Variants in GRM7 observed in about 807,000 individuals in gnomAD.
GRM7 encodes the protein metabotropic glutamate receptor 7.
A neutral mutation model predicts 84.5 loss-of-function variants in GRM7; 35 were observed. That is an observed-to-expected ratio of 0.41 (90% confidence interval 0.32 to 0.55). GRM7 has a LOEUF of 0.55. GRM7 is among the 20% of genes least tolerant of loss of function. The pLI is 0.19. For synonymous variants in GRM7, 487 were observed against 455.1 expected (o/e 1.07, Z -0.89); for missense variants, 1,003 against 1,194.6 (o/e 0.84, Z 2.36).
chr3:7,518,253 G>T (rs1410999909), intron 7 of GRM7, among the ~76,000 whole-genome samples: 1 of 152,150 alleles, frequency 6.6e-6, no homozygotes, highest in Non-Finnish European at 1.5e-5. Context: ...CATTTCCAAG[G>T]CGTCAGGGAA....
chr3:7,307,354 T>C (rs1700229058), intron 4 of GRM7, among the ~76,000 whole-genome samples: 1 of 94,360 alleles, frequency 1.1e-5, no homozygotes, highest in African/African-American at 3.2e-5. Context: ...GAAGACGCTG[T>C]GTAAAAGGAG....
chr3:7,713,114 A>ATT lies in GRM7; in HGVS notation c.2699-27240_2699-27239dup, dbSNP rs1165234212. Among the ~76,000 whole-genome samples, 172 of 129,858 alleles carry ATT rather than the reference A, an allele frequency of 1.3e-3. 4 individuals carry two copies. Among genetic ancestry groups the ATT allele is most frequent in the African/African-American group, 3.2e-3 (102 of 32,100 alleles). 85.2% of individuals were successfully genotyped at this position (129,858 alleles called of 152,430 possible). Reference sequence around the variant, plus strand: ...ATATTCACAGATAGAGAGGATTCGAATTTTGTTTTGTTTTTTTTTTTTTTT... The same window carrying ATT: ...ATATTCACAGATAGAGAGGATTCGAATTTTTTGTTTTGTTTTTTTTTTTTTTT... On this transcript the variant is annotated intron_variant, in intron 9 of 9. Coordinates refer to ENST00000357716, the MANE Select transcript of GRM7 (RefSeq NM_000844.4).
At chr3:7,469,287 A>G (rs1575384166) in intron 7 of GRM7, among the ~76,000 whole-genome samples, 1 of 152,238 alleles carries the variant, frequency 6.6e-6, no homozygotes, top group Admixed American at 6.5e-5. Context: ...AGGTTCCTCA[A>G]GGGTTCCCTA....
chr3:7,601,387 A>G (rs556645086), intron 8 of GRM7, among the ~76,000 whole-genome samples: 42 of 152,192 alleles, frequency 2.8e-4, no homozygotes, highest in African/African-American at 9.1e-4. Context: ...AGTGAGAGAG[A>G]CAGGGGTTCT....
At position 7,104,712 on chromosome 3, in the gene GRM7, G is replaced by A. The variant is rs59603152; in HGVS notation, c.520-41740G>A. Among the ~76,000 whole-genome samples, 15 of 151,596 alleles carry A rather than the reference G, an allele frequency of 9.9e-5. No individual in the cohort carries two copies. The East Asian group carries it at 1.2e-3, about 12-fold the overall frequency. ...ATCATTTTTATCAGTCATCAAGCCC[G>A]GTGAAAACATTAATTAATTCTTCTG... On this transcript the variant is annotated intron_variant, in intron 1 of 9. Transcript: ENST00000357716.
intron 1 of GRM7, among the ~76,000 whole-genome samples, chr3:7,089,929 A>G (rs748441086): frequency 6.6e-6 from 1 of 151,726 alleles, no homozygotes; most frequent in Non-Finnish European, 1.5e-5. Context: ...TGCAACCTCT[A>G]CTCCCCGGGT....
At chr3:7,089,661 T>C (rs780831301) in intron 1 of GRM7, among the ~76,000 whole-genome samples, 4 of 152,152 alleles carry the variant, frequency 2.6e-5, no homozygotes, top group Non-Finnish European at 5.9e-5. Flanking sequence ...GTCTTAAAAA[T>C]GTTGTTCAAG....
At chr3:6,976,995 A>G (rs1308426506) in intron 1 of GRM7, among the ~76,000 whole-genome samples, 2 of 152,090 alleles carry the variant, frequency 1.3e-5, no homozygotes, top group African/African-American at 4.8e-5. Flanking sequence ...TTGGGTTATG[A>G]TATGAAGTGA....
chr3:7,720,595 G>A (rs997934942), intron 9 of GRM7, among the ~76,000 whole-genome samples: 1 of 152,194 alleles, frequency 6.6e-6, no homozygotes, highest in Non-Finnish European at 1.5e-5. Context: ...CCCTGAATGA[G>A]TGCTCCCTGA....
chr3:7,006,575 T>A (rs936557952), intron 1 of GRM7, among the ~76,000 whole-genome samples: 1 of 152,218 alleles, frequency 6.6e-6, no homozygotes, highest in Admixed American at 6.5e-5. Flanking sequence ...TCTTTGTGGC[T>A]AACAAATCCT....
At chr3:7,566,432 A>G (rs1388902972) in intron 7 of GRM7, among the ~76,000 whole-genome samples, 1 of 152,204 alleles carries the variant, frequency 6.6e-6, no homozygotes, top group Non-Finnish European at 1.5e-5. Flanking sequence ...TTATGTTTAC[A>G]TTATAATATT....
At chr3:7,149,226 G>C (rs1387598416) in intron 2 of GRM7, among the ~76,000 whole-genome samples, 2 of 152,112 alleles carry the variant, frequency 1.3e-5, no homozygotes, top group Non-Finnish European at 2.9e-5. Flanking sequence ...AAATGGTGTG[G>C]AGTAAGTCTA....
chr3:7,020,507 A>C (rs1390974996), intron 1 of GRM7, among the ~76,000 whole-genome samples: 2 of 152,210 alleles, frequency 1.3e-5, no homozygotes, highest in African/African-American at 4.8e-5. Flanking sequence ...TCATTGTTCA[A>C]ATGCAGATTC....
intron 9 of GRM7, among the ~76,000 whole-genome samples, chr3:7,703,408 T>G (rs1031497824): frequency 1.3e-5 from 2 of 151,284 alleles, no homozygotes; most frequent in African/African-American, 4.9e-5. Flanking sequence ...AAAAAATTCT[T>G]ATGAGGGTTC....
At chr3:7,726,444 T>TA (rs887988840) in intron 9 of GRM7, among the ~76,000 whole-genome samples, 18 of 151,532 alleles carry the variant, frequency 1.2e-4, no homozygotes, top group African/African-American at 3.9e-4. Context: ...AAGTAAAATG[T>TA]AAAAAACATT....
intron 7 of GRM7, among the ~76,000 whole-genome samples, chr3:7,510,909 C>T (rs968029849): frequency 7.2e-5 from 11 of 152,062 alleles, no homozygotes; most frequent in Non-Finnish European, 1.6e-4. Flanking sequence ...TGACTGAGAA[C>T]GCACATCAGA....
At chr3:7,633,454 G>A (rs75821156) in intron 8 of GRM7, among the ~76,000 whole-genome samples, 2,999 of 152,150 alleles carry the variant, frequency 0.02, 90 homozygotes, top group African/African-American at 0.069. Flanking sequence ...AACATACACT[G>A]CCGCAAAAGA....
At chr3:7,129,060 G>A (rs1338162952) in intron 1 of GRM7, among the ~76,000 whole-genome samples, 1 of 152,126 alleles carries the variant, frequency 6.6e-6, no homozygotes, top group Admixed American at 6.5e-5. Context: ...AGCAGAGTTG[G>A]TATGTTATAA....
Position 7,452,603 on chromosome 3 carries a change from G to T in GRM7, c.1175-4G>T. 2 of 1,582,710 alleles carry T rather than the reference G, an allele frequency of 1.3e-6. No homozygotes were observed. Among genetic ancestry groups the T allele is most frequent in the Non-Finnish European group, 1.7e-6 (2 of 1,151,698 alleles). ...GTGTGTGTGTTTCTTGTTTTAATGT[G>T]CAGGACAGGAGAGAATTGGAAAAGA... On this transcript the variant is annotated splice_polypyrimidine_tract_variant and splice_region_variant and intron_variant, in intron 5 of 9. Coordinates refer to ENST00000357716, the MANE Select transcript of GRM7 (RefSeq NM_000844.4).
Sources: allele counts gnomAD v4.1 joint callset (sites outside exome capture counted in the v4.1 genomes callset), GRCh38; gene constraint gnomAD v4.1.1; transcripts MANE v1.5; gene names NCBI Gene and HGNC (gene_info 2026-07-23, HGNC 2026-07-21).